EXOC4: variants seen among roughly 807,000 people sequenced by gnomAD.
EXOC4 encodes the protein SEC8-like 1.
EXOC4 carries 71 observed loss-of-function variants against 107.2 expected under a neutral mutation model. That is an observed-to-expected ratio of 0.66 (90% CI 0.55 to 0.81). The LOEUF is 0.81. Among genes scored for constraint, EXOC4 ranks in the 30% least tolerant of loss-of-function variants. The pLI is 0.00. For missense variants in EXOC4, 1,108 were observed against 1,189.6 expected (o/e 0.93, Z 1.01); for synonymous variants, 456 against 441.2 (o/e 1.03, Z -0.42).
At chr7:133,609,955 C>T (rs1035908247) in intron 9 of EXOC4, among the ~76,000 whole-genome samples, 1 of 152,148 alleles carries the variant, frequency 6.6e-6, no homozygotes. Context: ...AACTTTTTAC[C>T]CATAGGATGA....
chr7:133,748,405 G>A (rs759213801), intron 10 of EXOC4, among the ~76,000 whole-genome samples: 1 of 152,064 alleles, frequency 6.6e-6, no homozygotes, highest in Admixed American at 6.6e-5. Flanking sequence ...GGAAAGTGAA[G>A]CCTATCAATC....
intron 1 of EXOC4, among the ~76,000 whole-genome samples, chr7:133,273,260 T>C (rs1793915394): frequency 6.6e-6 from 1 of 152,230 alleles, no homozygotes; most frequent in South Asian, 2.1e-4. Flanking sequence ...TTGCAAGTAA[T>C]CTTGGTAGCT....
rs1444942616 is a variant in EXOC4, at chr7:133,938,004, A to G, written c.2141A>G (p.His714Arg). The G allele has an allele frequency of 2.5e-6, 4 of 1,614,202 alleles. No individual in the cohort carries two copies. Among genetic ancestry groups the G allele is most frequent in the Non-Finnish European group, 3.4e-6 (4 of 1,180,026 alleles). Reference sequence around the variant, plus strand: ...GACCTCAAAGCCTTGGCCAACATGCATGAAAGCCTGGAATGGTTGGCAAGT... The same window carrying G: ...GACCTCAAAGCCTTGGCCAACATGCGTGAAAGCCTGGAATGGTTGGCAAGT... ...VSDLKALANM[H>R]ESLEWLASRT... The change falls in exon 14 of 18, where the codon CAT becomes CGT. Residue 714 changes from histidine (H) to arginine (R), a missense_variant. By Grantham distance (29) the His-to-Arg change is conservative. Transcript: ENST00000253861.
chr7:133,988,560 A>G (rs991115523), intron 14 of EXOC4, among the ~76,000 whole-genome samples: 6 of 152,156 alleles, frequency 3.9e-5, no homozygotes, highest in African/African-American at 1.4e-4. Flanking sequence ...AGGGAGACAT[A>G]GTTAATGGAA....
the EXOC4 span, among the ~76,000 whole-genome samples, chr7:134,093,967 G>A: frequency 6.6e-6 from 1 of 152,100 alleles, no homozygotes; most frequent in Non-Finnish European, 1.5e-5. Context: ...ACCTCAAAAA[G>A]TTATAAAGAT....
chr7:133,420,360 C>T (rs902424803), intron 7 of EXOC4, among the ~76,000 whole-genome samples: 1 of 151,700 alleles, frequency 6.6e-6, no homozygotes, highest in African/African-American at 2.4e-5. Context: ...TTTCTTAATC[C>T]AGTCTATCAT....
chr7:134,012,369 T>A (rs144717046), intron 17 of EXOC4, among the ~76,000 whole-genome samples: 1,761 of 152,130 alleles, frequency 0.012, 26 homozygotes, highest in African/African-American at 0.04. Context: ...GAGGATGAGA[T>A]ATGGTCAGAT....
chr7:133,811,627 T>C (rs1042915933), intron 10 of EXOC4, among the ~76,000 whole-genome samples: 4 of 152,214 alleles, frequency 2.6e-5, no homozygotes, highest in African/African-American at 9.6e-5. Flanking sequence ...CTTGGTAGAA[T>C]GAATCTGTAA....
intron 10 of EXOC4, among the ~76,000 whole-genome samples, chr7:133,753,071 A>G (rs1377900509): frequency 1.3e-5 from 2 of 152,236 alleles, no homozygotes; most frequent in Non-Finnish European, 2.9e-5. Context: ...CCTGAGGAAT[A>G]TTCTTGATAT....
At chr7:133,399,671 C>A (rs1015078699) in intron 7 of EXOC4, among the ~76,000 whole-genome samples, 22 of 152,162 alleles carry the variant, frequency 1.4e-4, no homozygotes, top group Non-Finnish European at 1.5e-4. Flanking sequence ...TACTGTTGGA[C>A]ATCACAGGAG....
At chr7:134,072,222 A>T in the EXOC4 span, among the ~76,000 whole-genome samples, 1 of 152,230 alleles carries the variant, frequency 6.6e-6, no homozygotes, top group Non-Finnish European at 1.5e-5. Context: ...GAGGCAACTT[A>T]TCTTTTCCTT....
At position 133,994,402 on chromosome 7, in the gene EXOC4, C is replaced by T. The variant is rs147142412; in HGVS notation, c.2207-3090C>T. ...CATTAAGACAAGTACCTAATGCGTG[C>T]GAGGCTTAAAATCTAGATGATGGGC... On this transcript the variant is annotated intron_variant, in intron 14 of 17. Coordinates refer to ENST00000253861, the MANE Select transcript of EXOC4 (RefSeq NM_021807.4). Among the ~76,000 whole-genome samples the T allele has an allele frequency of 5.8e-4, 89 of 152,158 alleles. 1 individual carries two copies. In the East Asian group the frequency reaches 0.014, roughly 24 times the overall value.
At chr7:134,081,608 A>G in the EXOC4 span, among the ~76,000 whole-genome samples, 2 of 152,224 alleles carry the variant, frequency 1.3e-5, no homozygotes, top group Non-Finnish European at 2.9e-5. Context: ...TATTTTTAGA[A>G]TGAATGAATA....
At chr7:133,591,113 A>G (rs12673508) in intron 9 of EXOC4, among the ~76,000 whole-genome samples, 95,071 of 152,170 alleles carry the variant, frequency 0.62, 30,897 homozygotes, top group South Asian at 0.73. Flanking sequence ...GAGTCCCACA[A>G]AAGGGCCAAG....
chr7:133,435,233 G>T (rs892422397), intron 7 of EXOC4, among the ~76,000 whole-genome samples: 1 of 152,026 alleles, frequency 6.6e-6, no homozygotes, highest in African/African-American at 2.4e-5. Context: ...AGGTCATCTT[G>T]TCACATGTGA....
chr7:133,474,692 T>C (rs1424582), intron 7 of EXOC4, among the ~76,000 whole-genome samples: 151,658 of 152,226 alleles, frequency 1, 75,552 homozygotes, highest in Middle Eastern at 1. Flanking sequence ...AAATTCTTTG[T>C]AGGTCAGGAC....
intron 10 of EXOC4, among the ~76,000 whole-genome samples, chr7:133,648,550 T>G (rs936743548): frequency 1.3e-5 from 2 of 152,200 alleles, no homozygotes; most frequent in African/African-American, 4.8e-5. Flanking sequence ...GATATATTCC[T>G]TAGTCCTTAT....
chr7:133,809,457 A>G (rs1797162618), intron 10 of EXOC4, among the ~76,000 whole-genome samples: 1 of 152,226 alleles, frequency 6.6e-6, no homozygotes, highest in Admixed American at 6.5e-5. Flanking sequence ...GAAAGAGTTC[A>G]GATTCATTTT....
At chr7:133,598,594 T>G (rs1801736568) in intron 9 of EXOC4, among the ~76,000 whole-genome samples, 1 of 152,210 alleles carries the variant, frequency 6.6e-6, no homozygotes, top group Non-Finnish European at 1.5e-5. Flanking sequence ...GGTATGTGAG[T>G]CTACTTTTGC....
Sources: allele counts gnomAD v4.1 joint callset (sites outside exome capture counted in the v4.1 genomes callset), GRCh38; gene constraint gnomAD v4.1.1; transcripts MANE v1.5; gene names NCBI Gene and HGNC (gene_info 2026-07-23, HGNC 2026-07-21).